The following PTPN22 variants were observed in gnomAD, a reference collection of about 807,000 sequenced individuals.
PTPN22 encodes the protein protein tyrosine phosphatase non-receptor type 22.
PTPN22 carries 85 observed loss-of-function variants against 103.3 expected under a neutral mutation model. That is an observed-to-expected ratio of 0.82 (90% CI 0.69 to 0.99). The LOEUF (loss-of-function observed/expected upper bound fraction) is 0.99, where lower values mean the gene tolerates loss of function less well. PTPN22 is among the 50% of genes least tolerant of loss of function. The pLI is 0.00. For synonymous variants in PTPN22, 323 were observed against 310.2 expected (o/e 1.04, Z -0.43); for missense variants, 865 against 936.9 (o/e 0.92, Z 1.00).
At chr1:113,825,197 G>T in intron 18 of PTPN22, 25 bp from the exon 19 acceptor site, 1 of 1,409,594 alleles carries the variant, frequency 7.1e-7, no homozygotes, top group Non-Finnish European at 9.7e-7. Context: ...AAAAATGTTA[G>T]TTTTTTTTCC....
chr1:113,858,182 C>T (rs1217416), intron 4 of PTPN22, among the ~76,000 whole-genome samples: 122,524 of 152,060 alleles, frequency 0.81, 50,323 homozygotes, highest in African/African-American at 0.95. Flanking sequence ...ATCAGCTTCC[C>T]CAGTAGCTGG....
Position 113,834,343 on chromosome 1 carries a change from T to A in PTPN22, c.1991A>T (p.Lys664Ile), listed in dbSNP as rs1024643853. 3.1e-6 allele frequency: 5 copies of A among 1,613,920 alleles called. No homozygotes were observed. In the Admixed American group the frequency reaches 5.0e-5, roughly 16 times the overall value. Residue 664 changes from lysine (K) to isoleucine (I), a missense_variant, in exon 15 of 21, where the codon AAA (lysine) becomes ATA (isoleucine). Lys to Ile is a moderately radical substitution (Grantham distance 102). Around this residue, in one of 3 missense-constraint regions of PTPN22, gnomAD observed 401 missense variants for 388.6 expected, o/e 1.03. Transcript: ENST00000359785. ...TCTAAGTATCACAGAGTCATCAAAT[T>A]TCTTTGGTTCAGATGTTCCACCCCA... is the stretch of plus-strand genomic sequence containing the variant.
At chr1:113,858,710 G>A (rs1429311447) in intron 3 of PTPN22, 137 bp from the exon 4 acceptor site, 3 of 696,624 alleles carry the variant, frequency 4.3e-6, no homozygotes, top group Non-Finnish European at 7.0e-6. Context: ...CATAATCACA[G>A]CTCACTGCAG....
chr1:113,849,093 G>C (rs1664337286), intron 10 of PTPN22, among the ~76,000 whole-genome samples: 1 of 152,098 alleles, frequency 6.6e-6, no homozygotes, highest in African/African-American at 2.4e-5. Context: ...CCTCACAATT[G>C]CTCTATAAAG....
intron 18 of PTPN22, among the ~76,000 whole-genome samples, chr1:113,826,198 A>G (rs1284280472): frequency 1.3e-5 from 2 of 152,058 alleles, no homozygotes; most frequent in African/African-American, 4.8e-5. Flanking sequence ...AATTTTAAAA[A>G]GCCAGGCATG....
At chr1:113,835,483 A>C (rs535185618) in intron 13 of PTPN22, among the ~76,000 whole-genome samples, 3 of 152,342 alleles carry the variant, frequency 2.0e-5, no homozygotes, top group South Asian at 4.1e-4. Context: ...GCACCACTGC[A>C]TTCCAGCCTG....
intron 11 of PTPN22, 52 bp from the exon 12 acceptor site, chr1:113,838,672 GAT>G (rs1663245846): frequency 3.8e-6 from 6 of 1,561,726 alleles, no homozygotes; most frequent in Non-Finnish European, 5.2e-6. Flanking sequence ...ATGTCAATAA[GAT>G]ATTTTAATAT....
intron 11 of PTPN22, among the ~76,000 whole-genome samples, chr1:113,846,898 T>C (rs1664105982): frequency 6.6e-6 from 1 of 152,130 alleles, no homozygotes; most frequent in African/African-American, 2.4e-5. Context: ...TTGTCGTTTT[T>C]TGTTTTCAGA....
At chr1:113,852,173 T>A in intron 9 of PTPN22, 69 bp from the exon 10 acceptor site, 1 of 1,175,176 alleles carries the variant, frequency 8.5e-7, no homozygotes, top group South Asian at 1.3e-5. Flanking sequence ...TTTTTCATAG[T>A]CTTGTACTTC....
At chr1:113,841,395 A>G (rs1663534318) in intron 11 of PTPN22, among the ~76,000 whole-genome samples, 1 of 152,162 alleles carries the variant, frequency 6.6e-6, no homozygotes, top group African/African-American at 2.4e-5. Context: ...TGGATAGGAC[A>G]CCAAAGGCAC....
At chr1:113,858,220 G>A (rs2102122674) in intron 4 of PTPN22, among the ~76,000 whole-genome samples, 1 of 152,090 alleles carries the variant, frequency 6.6e-6, no homozygotes, top group African/African-American at 2.4e-5. Context: ...ACCACTCCCA[G>A]CTAATTTTTG....
intron 20 of PTPN22, 56 bp from the exon 21 acceptor site, chr1:113,815,025 A>G (rs1661045769): frequency 7.8e-7 from 1 of 1,289,702 alleles, no homozygotes; most frequent in African/African-American, 1.5e-5. Flanking sequence ...ATAGAAATGA[A>G]TACTTGGATT....
chr1:113,834,631 T>A (rs1266532469), intron 14 of PTPN22, among the ~76,000 whole-genome samples, 192 bp from the exon 15 acceptor site: 1 of 152,138 alleles, frequency 6.6e-6, no homozygotes, highest in Non-Finnish European at 1.5e-5. Flanking sequence ...CAATCATGGC[T>A]TACTGCAGCC....
At chr1:113,829,531 GGGGAAA>G in intron 18 of PTPN22, 55 bp downstream of exon 18, 1 of 842,578 alleles carries the variant, frequency 1.2e-6, no homozygotes, top group Non-Finnish European at 1.8e-6. Context: ...TGCTGGGGAG[GGGGAAA>G]CTTTCAGTAA....
chr1:113,840,038 C>G (rs538409735), intron 11 of PTPN22, among the ~76,000 whole-genome samples: 2 of 152,126 alleles, frequency 1.3e-5, no homozygotes, highest in South Asian at 4.1e-4. Flanking sequence ...ATGGTGAAAG[C>G]CCGTCTCTAT....
intron 1 of PTPN22, among the ~76,000 whole-genome samples, chr1:113,870,199 C>A (rs1301316282): frequency 6.6e-6 from 1 of 152,128 alleles, no homozygotes; most frequent in Admixed American, 6.5e-5. Flanking sequence ...ATCATCACAA[C>A]AATCCTGTGA....
At chr1:113,868,560 A>G (rs1434991739) in intron 1 of PTPN22, among the ~76,000 whole-genome samples, 2 of 152,232 alleles carry the variant, frequency 1.3e-5, no homozygotes, top group Non-Finnish European at 2.9e-5. Context: ...GATGGAGCTG[A>G]GAGGAAGACT....
chr1:113,834,230 T>C, intron 15 of PTPN22, 79 bp downstream of exon 15: 1 of 1,375,360 alleles, frequency 7.3e-7, no homozygotes, highest in Non-Finnish European at 1.0e-6. Context: ...ATTTATTGAA[T>C]GATGGGTGTT....
intron 16 of PTPN22, among the ~76,000 whole-genome samples, chr1:113,832,410 C>A (rs1257517985): frequency 6.6e-6 from 1 of 152,264 alleles, no homozygotes; most frequent in South Asian, 2.1e-4. Flanking sequence ...GATCTCTTGA[C>A]CTCGTGATCC....
Sources: gnomAD v4.1 joint callset for allele counts (sites outside exome capture counted in the v4.1 genomes callset) on GRCh38, gnomAD v4.1.1 for gene constraint, gnomAD v4.1.1 regional missense constraint, MANE v1.5 for transcripts, NCBI Gene and HGNC (gene_info 2026-07-23, HGNC 2026-07-21) for gene names.